Variants in DPP10 observed in about 807,000 individuals in gnomAD.
DPP10 encodes inactive dipeptidyl peptidase 10.
A neutral mutation model predicts 120.9 loss-of-function variants in DPP10; 33 were observed. That is an observed-to-expected ratio of 0.27 (90% CI 0.21 to 0.37). The LOEUF (loss-of-function observed/expected upper bound fraction) is 0.37, where lower values mean the gene tolerates loss of function less well. Among genes scored for constraint, DPP10 ranks in the 10% least tolerant of loss-of-function variants. The probability of loss-of-function intolerance (pLI) is 1.00; values close to 1 mark genes in which losing one functional copy is unlikely to be tolerated. For synonymous variants in DPP10, 337 were observed against 326.1 expected (o/e 1.03, Z -0.36); for missense variants, 816 against 942.8 (o/e 0.87, Z 1.76).
chr2:114,641,779 G>T (rs1232861795), intron 1 of DPP10, among the ~76,000 whole-genome samples: 1 of 151,902 alleles, frequency 6.6e-6, no homozygotes, highest in East Asian at 1.9e-4. Context: ...TAAAAATAAA[G>T]ATTAAAGTGG....
intron 1 of DPP10, among the ~76,000 whole-genome samples, chr2:114,486,600 T>G (rs1321101069): frequency 2.0e-5 from 3 of 152,154 alleles, no homozygotes; most frequent in South Asian, 2.1e-4. Flanking sequence ...ATTTGACTGC[T>G]TCTTTCTTGC....
At chr2:115,429,868 A>G (rs375549933) in intron 3 of DPP10, among the ~76,000 whole-genome samples, 1 of 152,178 alleles carries the variant, frequency 6.6e-6, no homozygotes, top group East Asian at 1.9e-4. Context: ...AGTAACGCCT[A>G]TAGTAGAATG....
At chr2:115,773,428 C>A (rs1392284252) in intron 13 of DPP10, among the ~76,000 whole-genome samples, 1 of 152,066 alleles carries the variant, frequency 6.6e-6, no homozygotes, top group African/African-American at 2.4e-5. Flanking sequence ...CAAATAAACA[C>A]TCTATTCCAA....
chr2:115,020,977 T>TA (rs1703029633), intron 1 of DPP10, among the ~76,000 whole-genome samples: 1 of 151,992 alleles, frequency 6.6e-6, no homozygotes, highest in Non-Finnish European at 1.5e-5. Context: ...TGAATGATAA[T>TA]ACTGACACAA....
intron 2 of DPP10, among the ~76,000 whole-genome samples, chr2:115,332,619 G>A (rs2062825265): frequency 6.6e-6 from 1 of 152,086 alleles, no homozygotes; most frequent in South Asian, 2.1e-4. Flanking sequence ...ATTCTGGTAT[G>A]TTGTGTGTTT....
At chr2:115,627,690 C>T (rs1285176121) in intron 5 of DPP10, among the ~76,000 whole-genome samples, 1 of 152,058 alleles carries the variant, frequency 6.6e-6, no homozygotes, top group Non-Finnish European at 1.5e-5. Flanking sequence ...CCCCTCACCC[C>T]CTCAAAGGGC....
intron 5 of DPP10, among the ~76,000 whole-genome samples, chr2:115,617,708 T>A (rs987617409): frequency 6.6e-6 from 1 of 152,072 alleles, no homozygotes; most frequent in Admixed American, 6.6e-5. Flanking sequence ...CCTAGGTTTG[T>A]GTAAGTACAC....
At chr2:114,518,386 G>GT (rs1277067949) in intron 1 of DPP10, among the ~76,000 whole-genome samples, 2 of 151,958 alleles carry the variant, frequency 1.3e-5, no homozygotes, top group Non-Finnish European at 2.9e-5. Context: ...CCTATTCATT[G>GT]TTTTTTTGTT....
chr2:115,147,664 G>A (rs2051305661), intron 1 of DPP10, among the ~76,000 whole-genome samples: 1 of 152,110 alleles, frequency 6.6e-6, no homozygotes, highest in Admixed American at 6.6e-5. Context: ...GAATGGTAGT[G>A]TGAGACCCAA....
intron 19 of DPP10, among the ~76,000 whole-genome samples, chr2:115,812,957 GGA>G: frequency 6.9e-6 from 1 of 144,384 alleles, no homozygotes; most frequent in Admixed American, 7.1e-5. Context: ...ATCTCTGACT[GGA>G]TATCTTTTTT....
At chr2:115,363,583 A>G (rs1364910781) in intron 3 of DPP10, among the ~76,000 whole-genome samples, 2 of 152,246 alleles carry the variant, frequency 1.3e-5, no homozygotes, top group Non-Finnish European at 2.9e-5. Flanking sequence ...GACTTCTGTC[A>G]GTGGCCATAT....
chr2:114,900,758 C>T (rs1693493138), intron 1 of DPP10, among the ~76,000 whole-genome samples: 1 of 152,078 alleles, frequency 6.6e-6, no homozygotes, highest in African/African-American at 2.4e-5. Flanking sequence ...GTGTTTAAGA[C>T]ATATTTTTCA....
In DPP10 at chr2:114,594,325, G is replaced by T. The variant is rs187545013; in HGVS notation, c.60+151487G>T. Among the ~76,000 whole-genome samples, 290 of 151,284 alleles carry T rather than the reference G, an allele frequency of 1.9e-3. 1 individual carries two copies. The highest frequency in any genetic ancestry group is 3.1e-3 in the Non-Finnish European group (208 of 67,862). ...TAAGCTTGCAGACAGCCTATTGTGG[G>T]ATCTTGTGATCATGTAAGTTAATAC... On this transcript the variant is annotated intron_variant, in intron 1 of 25. Coordinates refer to ENST00000410059, the MANE Select transcript of DPP10 (RefSeq NM_020868.6).
chr2:114,697,615 T>C (rs1700141632), intron 1 of DPP10, among the ~76,000 whole-genome samples: 1 of 151,836 alleles, frequency 6.6e-6, no homozygotes, highest in African/African-American at 2.4e-5. Context: ...CCAGGCATGG[T>C]GGCAGGCACT....
intron 1 of DPP10, among the ~76,000 whole-genome samples, chr2:115,037,159 G>A (rs933010685): frequency 2.6e-5 from 4 of 152,094 alleles, no homozygotes; most frequent in Non-Finnish European, 4.4e-5. Context: ...CAGCCATTTG[G>A]TTACAAATTG....
At chr2:115,119,306 A>G (rs868208112) in intron 1 of DPP10, among the ~76,000 whole-genome samples, 3 of 152,280 alleles carry the variant, frequency 2.0e-5, no homozygotes, top group African/African-American at 7.2e-5. Context: ...CCACTTGCTC[A>G]AGTCCTGAGA....
At chr2:115,519,502 T>A (rs1028926391) in intron 4 of DPP10, among the ~76,000 whole-genome samples, 3 of 152,036 alleles carry the variant, frequency 2.0e-5, no homozygotes, top group African/African-American at 7.2e-5. Flanking sequence ...TTAAGCATGA[T>A]CATAATTAAT....
At chr2:115,634,749 G>A (rs985982588) in intron 5 of DPP10, among the ~76,000 whole-genome samples, 2 of 152,186 alleles carry the variant, frequency 1.3e-5, no homozygotes, top group Non-Finnish European at 2.9e-5. Context: ...GGTGGAGGAG[G>A]TGCACTGTGC....
chr2:115,196,789 A>G (rs1395601906), intron 1 of DPP10, among the ~76,000 whole-genome samples: 1 of 152,158 alleles, frequency 6.6e-6, no homozygotes, highest in Non-Finnish European at 1.5e-5. Context: ...GTCAGAACAT[A>G]TGGATGTGTG....
Sources: gnomAD v4.1 joint callset for allele counts (sites outside exome capture counted in the v4.1 genomes callset) on GRCh38, gnomAD v4.1.1 for gene constraint, MANE v1.5 for transcripts, NCBI Gene and HGNC (gene_info 2026-07-23, HGNC 2026-07-21) for gene names.